PIAS4: variants seen among roughly 807,000 people sequenced by gnomAD.
PIAS4 encodes the protein protein inhibitor of activated STAT 4.
In PIAS4, 7 loss-of-function variants were observed where a neutral mutation model predicts 58.0. That is an observed-to-expected ratio of 0.12 (90% CI 0.07 to 0.23). The LOEUF (loss-of-function observed/expected upper bound fraction) is 0.23, where lower values mean the gene tolerates loss of function less well. Ranked by LOEUF, PIAS4 falls within the 10% of genes least tolerant of loss-of-function variation. The pLI is 1.00. For synonymous variants in PIAS4, 364 were observed against 312.4 expected (o/e 1.17, Z -1.74); for missense variants, 550 against 709.5 (o/e 0.78, Z 2.55).
intron 3 of PIAS4, among the ~76,000 whole-genome samples, chr19:4,025,920 A>C (rs1170783677): frequency 1.3e-5 from 2 of 151,458 alleles, no homozygotes; most frequent in Non-Finnish European, 2.9e-5. Context: ...AAACATACAA[A>C]AAAATTAGCC....
chr19:4,023,546 G>A (rs932918740), intron 2 of PIAS4, among the ~76,000 whole-genome samples: 2 of 152,192 alleles, frequency 1.3e-5, no homozygotes, highest in African/African-American at 4.8e-5. Context: ...TAAGTAAGAG[G>A]GTAGGGCCCA....
chr19:4,033,376 C>T (rs1436716192), intron 8 of PIAS4, 44 bp from the exon 9 acceptor site: 1 of 1,522,814 alleles, frequency 6.6e-7, no homozygotes, highest in Admixed American at 2.0e-5. Context: ...GGCAGGCGGG[C>T]ACAACAGGAG....
Position 4,028,712 on chromosome 19 carries a change from G to A in PIAS4, c.673-8G>A, listed in dbSNP as rs2040193287. 1 of 1,606,542 alleles carries A rather than the reference G, an allele frequency of 6.2e-7. No homozygotes were observed. The highest frequency in any genetic ancestry group is 1.3e-5 in the African/African-American group (1 of 74,930). On this transcript the variant is annotated splice_region_variant and splice_polypyrimidine_tract_variant and intron_variant, in intron 5 of 10. Coordinates refer to ENST00000262971, the MANE Select transcript of PIAS4 (RefSeq NM_015897.4). ...TGGCTCGAGGCTGAGCGGCCCATCT[G>A]CTTGCAGGGCTACTACCCCTCCAAT...
At chr19:4,036,977 AC>A (rs1298933414) in intron 9 of PIAS4, among the ~76,000 whole-genome samples, 2 of 152,208 alleles carry the variant, frequency 1.3e-5, no homozygotes, top group African/African-American at 2.4e-5. Flanking sequence ...ACACACACGC[AC>A]ATGCTCGCAC....
At chr19:4,033,367 G>A in intron 8 of PIAS4, 53 bp from the exon 9 acceptor site, 1 of 1,504,510 alleles carries the variant, frequency 6.6e-7, no homozygotes, top group Non-Finnish European at 8.9e-7. Flanking sequence ...GGGGCACCGG[G>A]CAGGCGGGCA....
At position 4,012,961 on chromosome 19, in the gene PIAS4, G is replaced by A; in HGVS notation, c.66G>A (p.Met22Ile). Residue 22 changes from methionine (M) to isoleucine (I), a missense_variant, in exon 2 of 11, where the codon ATG becomes ATA. Met to Ile is a conservative substitution (Grantham distance 10). Coordinates refer to ENST00000262971, the MANE Select transcript of PIAS4 (RefSeq NM_015897.4). ...VMSFRVSDLQ[M>I]LLGFVGRSKS... ...GTTTTCGAGTCTCCGACCTTCAGATGCTCCTGGGTTTCGTGGGCCGGAGTA... is the reference window on the plus strand; with the variant it reads ...GTTTTCGAGTCTCCGACCTTCAGATACTCCTGGGTTTCGTGGGCCGGAGTA... 6.2e-7 allele frequency: 1 copy of A among 1,613,642 alleles called. No individual in the cohort carries two copies. The highest frequency in any genetic ancestry group is 8.5e-7 in the Non-Finnish European group (1 of 1,179,848).
intron 1 of PIAS4, among the ~76,000 whole-genome samples, chr19:4,011,344 C>A (rs2039990250): frequency 6.6e-6 from 1 of 152,240 alleles, no homozygotes; most frequent in Non-Finnish European, 1.5e-5. Context: ...CCTGCCAGCC[C>A]ATCCCTCGAG....
chr19:4,020,059 G>A (rs2040093938), intron 2 of PIAS4, among the ~76,000 whole-genome samples: 1 of 152,098 alleles, frequency 6.6e-6, no homozygotes, highest in Admixed American at 6.5e-5. Context: ...TGGGACCACA[G>A]GCGCCTGCCA....
At chr19:4,009,319 T>C (rs899762097) in intron 1 of PIAS4, among the ~76,000 whole-genome samples, 4 of 152,126 alleles carry the variant, frequency 2.6e-5, no homozygotes, top group Non-Finnish European at 5.9e-5. Context: ...TGCTCCTCTC[T>C]AGAGTTTTGA....
intron 9 of PIAS4, among the ~76,000 whole-genome samples, chr19:4,035,240 C>T (rs548454276): frequency 4.1e-4 from 63 of 152,220 alleles, no homozygotes; most frequent in Non-Finnish European, 8.1e-4. Context: ...GTGATGAGAA[C>T]GATGCCACTG....
intron 2 of PIAS4, among the ~76,000 whole-genome samples, chr19:4,015,931 C>T (rs1025295800): frequency 6.6e-6 from 1 of 152,208 alleles, no homozygotes; most frequent in Non-Finnish European, 1.5e-5. Flanking sequence ...GAGCAGGCTG[C>T]AGGGGCCTCA....
At chr19:4,012,490 G>A (rs537811497) in intron 1 of PIAS4, among the ~76,000 whole-genome samples, 73 of 152,214 alleles carry the variant, frequency 4.8e-4, no homozygotes, top group African/African-American at 1.5e-3. Context: ...TGGGTTGAGC[G>A]CCCGCCCAGC....
At position 4,037,415 on chromosome 19, in the gene PIAS4, A is replaced by G; in HGVS notation, c.1184A>G (p.Glu395Gly). Residue 395 changes from glutamate to glycine, a missense_variant, in exon 10 of 11, where the codon GAG becomes GGG. Glu to Gly is a moderately conservative substitution (Grantham distance 98, BLOSUM62 -2). Coordinates refer to ENST00000262971, the MANE Select transcript of PIAS4 (RefSeq NM_015897.4). This position sits in a 1 kb window ranked among gnomAD's most constrained non-coding sequence, Gnocchi z 5.8. ...CTGAGCGAGTGTGAGGACGCCGACG[A>G]GATCGAGTACCTGGTGGACGGCTCG... ...KILSECEDADEIEYLVDGSWC... is the reference protein window; with the variant it reads ...KILSECEDADGIEYLVDGSWC... 1 of 1,610,892 alleles carries G rather than the reference A, an allele frequency of 6.2e-7. No homozygotes were observed. Among genetic ancestry groups the G allele is most frequent in the Non-Finnish European group, 8.5e-7 (1 of 1,178,738 alleles).
At chr19:4,029,253 C>T (rs1276565757) in intron 7 of PIAS4, among the ~76,000 whole-genome samples, 2 of 152,164 alleles carry the variant, frequency 1.3e-5, no homozygotes, top group African/African-American at 4.8e-5. Context: ...TGTGCGGAGG[C>T]CTGTGGGGTC....
intron 3 of PIAS4, among the ~76,000 whole-genome samples, chr19:4,027,394 G>C (rs142909403): frequency 3.9e-5 from 6 of 152,170 alleles, no homozygotes; most frequent in Admixed American, 1.3e-4. Flanking sequence ...GTCGCGTCCC[G>C]TGCGTGTTGG....
intron 3 of PIAS4, among the ~76,000 whole-genome samples, chr19:4,024,974 A>G (rs1390647328): frequency 1.3e-5 from 2 of 152,224 alleles, no homozygotes; most frequent in South Asian, 2.1e-4. Context: ...CATGTTGATC[A>G]GGCTGGTCTC....
chr19:4,025,998 C>T (rs568910636), intron 3 of PIAS4, among the ~76,000 whole-genome samples: 15 of 142,614 alleles, frequency 1.1e-4, no homozygotes, highest in African/African-American at 2.2e-4. Flanking sequence ...GGCGTGAACC[C>T]GGGAGGCGGA....
chr19:4,036,813 A>G (rs1343456120), intron 9 of PIAS4, among the ~76,000 whole-genome samples: 10 of 137,754 alleles, frequency 7.3e-5, no homozygotes, highest in Non-Finnish European at 1.5e-5. Context: ...ACCGTCACAT[A>G]TCTGTACAGT....
At position 4,028,614 on chromosome 19, in the gene PIAS4, G is replaced by A. The variant is rs761242427; in HGVS notation, c.672+14G>A. The stretch of plus-strand genomic sequence containing the variant: ...TGCTCCGTCCCGGTGAGCATGCCCC[G>A]CCCCCGCGTCGGCTGCACGGGTTTG... On this transcript the variant is annotated intron_variant, in intron 5 of 10. Transcript: ENST00000262971. The A allele has an allele frequency of 2.5e-5, 41 of 1,611,290 alleles. No individual in the cohort carries two copies. In the South Asian group the frequency reaches 2.6e-4, roughly 10 times the overall value.
Sources: gnomAD v4.1 joint callset for allele counts (sites outside exome capture counted in the v4.1 genomes callset) on GRCh38, gnomAD v4.1.1 for gene constraint, Gnocchi (gnomAD v3.1) non-coding constraint, MANE v1.5 for transcripts, NCBI Gene and HGNC (gene_info 2026-07-23, HGNC 2026-07-21) for gene names.